SEZ6L: variants seen among roughly 807,000 people sequenced by gnomAD.
The protein encoded by SEZ6L is seizure related 6 homolog like.
Under a neutral mutation model 106.2 loss-of-function variants are expected in SEZ6L, and 37 were observed. The observed-to-expected ratio is 0.35, with a 90% CI of 0.27 to 0.46. The LOEUF is 0.46. Among genes scored for constraint, SEZ6L ranks in the 20% least tolerant of loss-of-function variants. The pLI is 1.00. For missense variants in SEZ6L, 1,172 were observed against 1,332.8 expected (o/e 0.88, Z 1.88); for synonymous variants, 541 against 570.4 (o/e 0.95, Z 0.73).
intron 9 of SEZ6L, among the ~76,000 whole-genome samples, chr22:26,324,209 G>A (rs1056977674): frequency 1.3e-5 from 2 of 152,012 alleles, no homozygotes; most frequent in Admixed American, 6.6e-5. Flanking sequence ...CCTGCTCCCC[G>A]TTTCCTGGAC....
At chr22:26,225,289 G>T (rs1427158971) in intron 1 of SEZ6L, among the ~76,000 whole-genome samples, 1 of 152,210 alleles carries the variant, frequency 6.6e-6, no homozygotes, top group Non-Finnish European at 1.5e-5. Flanking sequence ...CAGTCAGAGA[G>T]ATTGGCTTGC....
intron 13 of SEZ6L, among the ~76,000 whole-genome samples, chr22:26,368,633 GT>G (rs2083898956): frequency 2.6e-5 from 4 of 152,204 alleles, no homozygotes; most frequent in Middle Eastern, 3.4e-3. Context: ...TGAAGAACAT[GT>G]TTTGGAACTA....
chr22:26,274,216 C>G (rs2080465190), intron 1 of SEZ6L, among the ~76,000 whole-genome samples: 1 of 152,146 alleles, frequency 6.6e-6, no homozygotes, highest in East Asian at 1.9e-4. Context: ...ACATTATCTA[C>G]CTCCCAGAGA....
intron 1 of SEZ6L, among the ~76,000 whole-genome samples, chr22:26,253,558 T>C (rs1034684176): frequency 2.0e-4 from 30 of 152,262 alleles, no homozygotes; most frequent in African/African-American, 7.0e-4. Context: ...TCATTGCTTG[T>C]ACAAAATAGA....
At chr22:26,211,414 C>T (rs1455458204) in intron 1 of SEZ6L, among the ~76,000 whole-genome samples, 1 of 152,156 alleles carries the variant, frequency 6.6e-6, no homozygotes, top group East Asian at 1.9e-4. Flanking sequence ...AACCACCCAC[C>T]TCAGGTCCTA....
rs77889762 is a variant in SEZ6L, at chr22:26,374,886, A to G, written c.2828-689A>G. ...TTGAGAGAGCAGCCGGGAAATGTGC[A>G]GGAGTAGCCTCTGGGAATCAAAACG... On this transcript the variant is annotated intron_variant, in intron 14 of 16. Coordinates refer to ENST00000248933, the MANE Select transcript of SEZ6L (RefSeq NM_021115.5). 9.1e-3 allele frequency among the ~76,000 whole-genome samples: 1,393 copies of G among 152,294 alleles called. 19 individuals carry two copies. Among genetic ancestry groups the G allele is most frequent in the African/African-American group, 0.032 (1,320 of 41,552 alleles).
intron 13 of SEZ6L, among the ~76,000 whole-genome samples, chr22:26,368,640 A>G (rs933987681): frequency 6.6e-6 from 1 of 152,148 alleles, no homozygotes; most frequent in African/African-American, 2.4e-5. Context: ...CATGTTTTGG[A>G]ACTAGGCAGA....
intron 12 of SEZ6L, among the ~76,000 whole-genome samples, chr22:26,356,932 C>A (rs1343508439): frequency 1.3e-5 from 2 of 150,942 alleles, no homozygotes; most frequent in African/African-American, 4.9e-5. Context: ...AAGGGTCCAA[C>A]ACATCATTGT....
At chr22:26,315,130 A>G (rs1320364831) in intron 9 of SEZ6L, among the ~76,000 whole-genome samples, 1 of 152,208 alleles carries the variant, frequency 6.6e-6, no homozygotes, top group Non-Finnish European at 1.5e-5. Flanking sequence ...CAAGAGAAAG[A>G]GAAATTATTT....
At position 26,210,959 on chromosome 22, in the gene SEZ6L, G is replaced by A. The variant is rs578166947; in HGVS notation, c.94+41196G>A. On this transcript the variant is annotated intron_variant, in intron 1 of 16. Transcript: ENST00000248933. Reference sequence around the variant, plus strand: ...TCCAACAATTGGCTGGGGTAGAGTAGCAGTAGCCTGCCCCTTAATTTGGCC... The same window carrying A: ...TCCAACAATTGGCTGGGGTAGAGTAACAGTAGCCTGCCCCTTAATTTGGCC... 3.7e-4 allele frequency among the ~76,000 whole-genome samples: 56 copies of A among 152,322 alleles called. 1 individual carries two copies. The South Asian group carries it at 4.4e-3, about 12-fold the overall frequency.
intron 1 of SEZ6L, among the ~76,000 whole-genome samples, chr22:26,184,622 A>T (rs879178363): frequency 5.3e-5 from 8 of 152,158 alleles, no homozygotes; most frequent in Non-Finnish European, 1.2e-4. Flanking sequence ...TCTTTCATTC[A>T]TTTACTGGCC....
intron 13 of SEZ6L, among the ~76,000 whole-genome samples, chr22:26,371,381 T>C (rs1798670629): frequency 6.6e-6 from 1 of 152,246 alleles, no homozygotes; most frequent in African/African-American, 2.4e-5. Flanking sequence ...ATGTGTAATA[T>C]GTCCATTTCT....
intron 10 of SEZ6L, among the ~76,000 whole-genome samples, chr22:26,343,861 T>C (rs2082923564): frequency 6.6e-6 from 1 of 152,266 alleles, no homozygotes; most frequent in Non-Finnish European, 1.5e-5. Flanking sequence ...CCGTTCTAGC[T>C]AATTGCGATA....
In SEZ6L at chr22:26,304,473, C is replaced by T. The variant is rs191563182; in HGVS notation, c.1349-1506C>T. On this transcript the variant is annotated intron_variant, in intron 5 of 16. Transcript: ENST00000248933. ...TTCAAAACTGTTCTCTCATATAGTACGTGAGAAAACAATTTCCTAAGAACC... is the reference window on the plus strand; with the variant it reads ...TTCAAAACTGTTCTCTCATATAGTATGTGAGAAAACAATTTCCTAAGAACC... Among the ~76,000 whole-genome samples the T allele has an allele frequency of 1.3e-4, 19 of 151,620 alleles. No individual in the cohort carries two copies. In the East Asian group the frequency reaches 1.4e-3, roughly 11 times the overall value.
intron 1 of SEZ6L, among the ~76,000 whole-genome samples, chr22:26,226,228 C>T (rs2078629890): frequency 6.6e-6 from 1 of 152,204 alleles, no homozygotes; most frequent in South Asian, 2.1e-4. Flanking sequence ...TTCCACCTTC[C>T]TGTTATAAAA....
chr22:26,235,718 T>A (rs1343853357), intron 1 of SEZ6L, among the ~76,000 whole-genome samples: 2 of 152,156 alleles, frequency 1.3e-5, no homozygotes, highest in Non-Finnish European at 2.9e-5. Flanking sequence ...TTGAATTAAC[T>A]TGCCCTTTTG....
chr22:26,192,759 C>G (rs1049097981), intron 1 of SEZ6L, among the ~76,000 whole-genome samples: 2 of 152,158 alleles, frequency 1.3e-5, no homozygotes, highest in Admixed American at 1.3e-4. Context: ...CTTTTAACAT[C>G]CCTCCTGCAT....
chr22:26,190,199 T>A (rs1940100056), intron 1 of SEZ6L, among the ~76,000 whole-genome samples: 1 of 152,150 alleles, frequency 6.6e-6, no homozygotes, highest in African/African-American at 2.4e-5. Context: ...TCTTCACCCA[T>A]TGTTAGTTCT....
intron 9 of SEZ6L, among the ~76,000 whole-genome samples, chr22:26,315,799 T>C (rs2081980880): frequency 6.6e-6 from 1 of 152,032 alleles, no homozygotes; most frequent in Non-Finnish European, 1.5e-5. Flanking sequence ...AGCTCACACC[T>C]GTAATCTCAA....
Sources: gnomAD v4.1 joint callset for allele counts (sites outside exome capture counted in the v4.1 genomes callset) on GRCh38, gnomAD v4.1.1 for gene constraint, MANE v1.5 for transcripts, NCBI Gene and HGNC (gene_info 2026-07-23, HGNC 2026-07-21) for gene names.